ASB7: variants seen among roughly 807,000 people sequenced by gnomAD.
The protein encoded by ASB7 is ankyrin repeat and SOCS box containing 7.
In ASB7, 4 loss-of-function variants were observed where a neutral mutation model predicts 32.5. The ratio of observed to expected loss-of-function variants is 0.12; its 90% CI spans 0.06 to 0.28. The LOEUF (loss-of-function observed/expected upper bound fraction) is 0.28. ASB7 is among the 10% of genes least tolerant of loss of function. The pLI is 1.00. For synonymous variants in ASB7, 172 were observed against 155.6 expected (o/e 1.11, Z -0.78); for missense variants, 181 against 407.1 (o/e 0.44, Z 4.78).
chr15:100,643,701 G>A (rs4073788), intron 5 of ASB7, among the ~76,000 whole-genome samples: 2,162 of 150,640 alleles, frequency 0.014, 57 homozygotes, highest in African/African-American at 0.049. Context: ...CACCATGTTG[G>A]CCAGGATGGT....
intron 2 of ASB7, among the ~76,000 whole-genome samples, chr15:100,603,892 G>C (rs1478584007): frequency 6.6e-6 from 1 of 152,208 alleles, no homozygotes; most frequent in East Asian, 1.9e-4. Flanking sequence ...TACCTTAAGA[G>C]TGTGAATGGT....
chr15:100,620,821 T>A (rs2039785254), intron 4 of ASB7, among the ~76,000 whole-genome samples: 1 of 152,244 alleles, frequency 6.6e-6, no homozygotes, highest in South Asian at 2.1e-4. Flanking sequence ...AATGTCTTAG[T>A]GCATTTATTC....
At chr15:100,645,535 A>G (rs2039991915) in intron 5 of ASB7, 5 of 670,370 alleles carry the variant, frequency 7.5e-6, no homozygotes, top group Non-Finnish European at 1.4e-5. Flanking sequence ...GAGCAGCCAC[A>G]TCATAGAGAG....
At chr15:100,618,908 A>G (rs1008129448) in intron 4 of ASB7, among the ~76,000 whole-genome samples, 2 of 152,194 alleles carry the variant, frequency 1.3e-5, no homozygotes, top group East Asian at 3.9e-4. Flanking sequence ...TAGGATAATA[A>G]GTATTATCAG....
chr15:100,629,431 C>T lies in ASB7; in HGVS notation c.212-6C>T. On this transcript the variant is annotated splice_polypyrimidine_tract_variant and splice_region_variant and intron_variant, in intron 4 of 5. Coordinates refer to ENST00000332783, the MANE Select transcript of ASB7 (RefSeq NM_198243.3). The surrounding 1 kb of genome is among the most constrained non-coding windows in gnomAD (Gnocchi z 6.8). ...GCTAATACTTTCATTTTGGTTTTAA[C>T]TCCAGCTGATCCTACAGTTAAAGAC... The T allele has an allele frequency of 6.3e-7, 1 of 1,599,598 alleles. No homozygotes were observed. Among genetic ancestry groups the T allele is most frequent in the Non-Finnish European group, 8.5e-7 (1 of 1,169,698 alleles).
intron 4 of ASB7, among the ~76,000 whole-genome samples, chr15:100,624,223 T>C (rs1234334268): frequency 6.6e-6 from 1 of 152,162 alleles, no homozygotes; most frequent in Non-Finnish European, 1.5e-5. Flanking sequence ...AGAAAGAAGT[T>C]CTGACGTTCA....
chr15:100,648,178 G>T, intron 5 of ASB7, 145 bp from the exon 6 acceptor site: 1 of 819,764 alleles, frequency 1.2e-6, no homozygotes, highest in Non-Finnish European at 1.8e-6. Context: ...GAAGGTCCTA[G>T]GACACTTTGA....
At chr15:100,603,189 C>T in intron 1 of ASB7, 26 bp from the exon 2 acceptor site, 1 of 390,366 alleles carries the variant, frequency 2.6e-6, no homozygotes, top group Non-Finnish European at 4.5e-6. Context: ...AGACACTACA[C>T]CACTCACTGG....
intron 4 of ASB7, among the ~76,000 whole-genome samples, chr15:100,623,328 G>C (rs1182858852): frequency 6.6e-6 from 1 of 152,158 alleles, no homozygotes; most frequent in African/African-American, 2.4e-5. Context: ...GCTTGAACCT[G>C]GGAGGCAGAG....
At chr15:100,609,626 A>G (rs2039677486) in intron 2 of ASB7, 81 bp from the exon 3 acceptor site, 1 of 152,246 alleles carries the variant, frequency 6.6e-6, no homozygotes. Flanking sequence ...GTTTACATTC[A>G]TCAAAAGGTA....
At chr15:100,645,721 CCTAT>C in intron 5 of ASB7, 1 of 1,577,630 alleles carries the variant, frequency 6.3e-7, no homozygotes, top group Non-Finnish European at 8.7e-7. Context: ...GTCTGATATG[CCTAT>C]CTGTGCTTCC....
chr15:100,618,153 G>T (rs2098222839), intron 4 of ASB7, among the ~76,000 whole-genome samples: 1 of 152,088 alleles, frequency 6.6e-6, no homozygotes, highest in Admixed American at 6.5e-5. Context: ...GTCTTGCTCT[G>T]TCACACAGGC....
chr15:100,603,267 C>T lies in ASB7; in HGVS notation c.-220C>T. 2.9e-6 allele frequency: 1 copy of T among 343,898 alleles called. No homozygotes were observed. Among genetic ancestry groups the T allele is most frequent in the African/African-American group, 2.1e-5 (1 of 47,222 alleles). 21.3% of individuals were successfully genotyped at this position (343,898 alleles called of 1,614,324 possible). A position where few individuals can be genotyped will look rare whatever the true frequency, so the allele number is the denominator to read the frequency against. On this transcript the variant is annotated 5_prime_UTR_variant, in exon 2 of 6. Coordinates refer to ENST00000332783, the MANE Select transcript of ASB7 (RefSeq NM_198243.3). ...AGCAGGAAGAGGTCTGCCCACCTAT[C>T]AGAGAAGCAGAAGGCACAGTGCCTC...
Position 100,616,395 on chromosome 15 carries a change from G to A in ASB7, c.211+3968G>A, listed in dbSNP as rs146106482. Among the ~76,000 whole-genome samples the A allele has an allele frequency of 2.0e-5, 3 of 152,200 alleles. No homozygotes were observed. In the East Asian group the frequency reaches 5.8e-4, roughly 29 times the overall value. ...GGTTTTCTTTAGCCTTATCGTTTGT[G>A]CCCTTGGTGTCTTGTTTAGGAAGTA... On this transcript the variant is annotated intron_variant, in intron 4 of 5. Transcript: ENST00000332783.
Position 100,603,045 on chromosome 15 carries a change from A to T in ASB7, c.-274A>T, listed in dbSNP as rs2039571475. Reference sequence around the variant, plus strand: ...GAAGAGAAGCAGCAGCTGAGGAGACAGGTAAAGTCCTTTACTTCCCCCGAG... The same window carrying T: ...GAAGAGAAGCAGCAGCTGAGGAGACTGGTAAAGTCCTTTACTTCCCCCGAG... On this transcript the variant is annotated splice_region_variant and 5_prime_UTR_variant, in exon 1 of 6. Transcript: ENST00000332783. The T allele has an allele frequency of 5.0e-6, 2 of 399,300 alleles. No individual in the cohort carries two copies. The highest frequency in any genetic ancestry group is 1.3e-3 in the Middle Eastern group (2 of 1,594). 24.7% of individuals were successfully genotyped at this position (399,300 alleles called of 1,614,324 possible).
At chr15:100,621,289 T>C (rs940668181) in intron 4 of ASB7, among the ~76,000 whole-genome samples, 2 of 152,222 alleles carry the variant, frequency 1.3e-5, no homozygotes, top group African/African-American at 4.8e-5. Flanking sequence ...GGAAATACTT[T>C]CTATACAAAA....
chr15:100,649,173 A>G lies in ASB7; in HGVS notation c.*711A>G, dbSNP rs1186280811. On this transcript the variant is annotated 3_prime_UTR_variant, in exon 6 of 6. Coordinates refer to ENST00000332783, the MANE Select transcript of ASB7 (RefSeq NM_198243.3). ...TAGTTAGAGTTGTACTTTTAAAAAA[A>G]TTAACGGGAAAGAAAATAACTTTGT... The G allele has an allele frequency of 2.0e-5, 3 of 152,652 alleles. No individual in the cohort carries two copies. Among genetic ancestry groups the G allele is most frequent in the Non-Finnish European group, 2.9e-5 (2 of 68,048 alleles). 9.5% of individuals were successfully genotyped at this position (152,652 alleles called of 1,614,324 possible). A position where few individuals can be genotyped will look rare whatever the true frequency, so the allele number is the denominator to read the frequency against.
At chr15:100,647,000 A>G (rs2040001246) in intron 5 of ASB7, among the ~76,000 whole-genome samples, 1 of 114,264 alleles carries the variant, frequency 8.8e-6, no homozygotes, top group Non-Finnish European at 1.8e-5. Flanking sequence ...AAAGCTTTGC[A>G]AAAATGTGAA....
At position 100,651,365 on chromosome 15, in the gene ASB7, T is replaced by C. The variant is rs1308662524; in HGVS notation, c.*2903T>C. 2.0e-5 allele frequency: 3 copies of C among 152,230 alleles called. No individual in the cohort carries two copies. The East Asian group carries it at 5.8e-4, about 29-fold the overall frequency. The allele number at this position is 152,230 out of a possible 1,614,324, so 9.4% of individuals were successfully genotyped here. On this transcript the variant is annotated 3_prime_UTR_variant, in exon 6 of 6. Coordinates refer to ENST00000332783, the MANE Select transcript of ASB7 (RefSeq NM_198243.3). ...TTTTTAATTCATTGTCAGTCATGCTTGGAACAGCATTTCCACTAGAGAATC... is the reference window on the plus strand; with the variant it reads ...TTTTTAATTCATTGTCAGTCATGCTCGGAACAGCATTTCCACTAGAGAATC...
Sources: gnomAD v4.1 joint callset for allele counts (sites outside exome capture counted in the v4.1 genomes callset) on GRCh38, gnomAD v4.1.1 for gene constraint, Gnocchi (gnomAD v3.1) non-coding constraint, MANE v1.5 for transcripts, NCBI Gene and HGNC (gene_info 2026-07-23, HGNC 2026-07-21) for gene names.